The following HECW2 variants were observed in gnomAD, a reference collection of about 807,000 sequenced individuals.
The protein encoded by HECW2 is E3 ubiquitin-protein ligase HECW2.
In HECW2, 61 loss-of-function variants were observed where a neutral mutation model predicts 175.2. That is an observed-to-expected ratio of 0.35 (90% CI 0.28 to 0.43). The LOEUF (loss-of-function observed/expected upper bound fraction) is 0.43, where lower values mean the gene tolerates loss of function less well. Among genes scored for constraint, HECW2 ranks in the 20% least tolerant of loss-of-function variants. The pLI, the probability that HECW2 is intolerant of heterozygous loss-of-function variation, is 1.00. For synonymous variants in HECW2, 671 were observed against 731.0 expected, an observed-to-expected ratio of 0.92 and a Z score of 1.32; for missense variants, 1,524 against 2,000.5, an observed-to-expected ratio of 0.76 and a Z score of 4.54.
intron 13 of HECW2, among the ~76,000 whole-genome samples, chr2:196,293,261 T>C (rs1559016813): frequency 6.6e-6 from 1 of 152,220 alleles, no homozygotes; most frequent in Non-Finnish European, 1.5e-5. Context: ...TGTTTGGTTT[T>C]CTGTTCCTGT....
intron 28 of HECW2, among the ~76,000 whole-genome samples, chr2:196,214,744 A>G (rs1332060361): frequency 6.6e-6 from 1 of 152,162 alleles, no homozygotes; most frequent in Non-Finnish European, 1.5e-5. Flanking sequence ...TATTTTCAGC[A>G]CCCTTTTTCT....
chr2:196,359,338 C>T (rs1247718410), intron 2 of HECW2, among the ~76,000 whole-genome samples: 4 of 152,154 alleles, frequency 2.6e-5, no homozygotes, highest in East Asian at 1.9e-4. Flanking sequence ...GTCCCAGCTA[C>T]TCAGGAGGCT....
At chr2:196,267,787 A>G (rs760975034) in intron 17 of HECW2, among the ~76,000 whole-genome samples, 10 of 152,200 alleles carry the variant, frequency 6.6e-5, no homozygotes, top group Non-Finnish European at 1.5e-4. Context: ...AAGAAAACAC[A>G]AAGTAAAGAG....
chr2:196,362,430 T>C (rs1693621952), intron 2 of HECW2, among the ~76,000 whole-genome samples: 1 of 151,466 alleles, frequency 6.6e-6, no homozygotes, highest in Non-Finnish European at 1.5e-5. Flanking sequence ...AAAGGGGAGC[T>C]TGCTATTTGA....
chr2:196,260,397 T>C (rs774459249), intron 17 of HECW2: 2 of 152,214 alleles, frequency 1.3e-5, no homozygotes. Context: ...ATGTTGATAT[T>C]GAGTCATTCT....
At chr2:196,278,722 C>A in intron 14 of HECW2, 60 bp from the exon 15 acceptor site, 1 of 1,581,638 alleles carries the variant, frequency 6.3e-7, no homozygotes, top group Non-Finnish European at 8.7e-7. Flanking sequence ...TGACTTATAA[C>A]ATCAGACGGT....
At chr2:196,501,203 T>G (rs1687567882) in intron 1 of HECW2, among the ~76,000 whole-genome samples, 1 of 152,338 alleles carries the variant, frequency 6.6e-6, no homozygotes, top group Middle Eastern at 3.4e-3. Flanking sequence ...ACTGGTTTCT[T>G]TACTGTGAAA....
chr2:196,516,396 G>T (rs1688148153), intron 1 of HECW2, among the ~76,000 whole-genome samples: 1 of 127,230 alleles, frequency 7.9e-6, no homozygotes, highest in South Asian at 2.3e-4. Flanking sequence ...TATATTAACT[G>T]CCTACACACA....
chr2:196,257,658 G>T, intron 18 of HECW2, 165 bp downstream of exon 18: 1 of 596,310 alleles, frequency 1.7e-6, no homozygotes, highest in South Asian at 2.1e-5. Flanking sequence ...AACGTGAAGT[G>T]AATGATCACT....
intron 17 of HECW2, chr2:196,263,473 G>A (rs1402740130): frequency 6.6e-6 from 1 of 152,204 alleles, no homozygotes; most frequent in African/African-American, 2.4e-5. Context: ...GCACATCCTG[G>A]TTCCTCTAGA....
intron 2 of HECW2, among the ~76,000 whole-genome samples, chr2:196,353,053 C>G (rs1693226381): frequency 6.6e-6 from 1 of 152,200 alleles, no homozygotes; most frequent in African/African-American, 2.4e-5. Flanking sequence ...CATGGCTTCC[C>G]ACTCCCTCCA....
chr2:196,219,720 G>A (rs550384497), intron 26 of HECW2, among the ~76,000 whole-genome samples: 1 of 152,208 alleles, frequency 6.6e-6, no homozygotes, highest in African/African-American at 2.4e-5. Flanking sequence ...AGTTTGACCA[G>A]CTGGATGTTA....
chr2:196,522,973 T>C (rs1186274683), intron 1 of HECW2, among the ~76,000 whole-genome samples: 1 of 152,042 alleles, frequency 6.6e-6, no homozygotes, highest in Non-Finnish European at 1.5e-5. Flanking sequence ...TCTTTTTTGG[T>C]TCCATATGAA....
At position 196,234,542 on chromosome 2, in the gene HECW2, AC is replaced by A. The variant is rs1479018670; in HGVS notation, c.3764+5906del. On this transcript the variant is annotated intron_variant, in intron 21 of 28. Transcript: ENST00000644978. ...ACTCCTCGCCTGAAGCAATACTCCC[AC>A]CTTGGCCTCCCAAAGTGCTGGGATT... Among the ~76,000 whole-genome samples, 9 of 152,024 alleles carry A rather than the reference AC, an allele frequency of 5.9e-5. No homozygotes were observed. The East Asian group carries it at 1.5e-3, about 26-fold the overall frequency.
chr2:196,259,301 T>G (rs1397941355), intron 17 of HECW2, among the ~76,000 whole-genome samples: 1 of 152,198 alleles, frequency 6.6e-6, no homozygotes, highest in Admixed American at 6.5e-5. Flanking sequence ...TATTCCCAAA[T>G]TTGAAATATT....
chr2:196,533,630 T>C (rs1688920018), intron 1 of HECW2, among the ~76,000 whole-genome samples: 1 of 152,110 alleles, frequency 6.6e-6, no homozygotes, highest in African/African-American at 2.4e-5. Flanking sequence ...AATATATATA[T>C]AGGTGTAATT....
Position 196,433,226 on chromosome 2 carries a change from G to A in HECW2, c.198C>T (p.Tyr66=), listed in dbSNP as rs370841093. ...ESRSSLTASM[Y]EYTLGQAQNL... ...TCTGGGCTTGCCCCAGCGTGTACTC[G>A]TACATGCTGGCAGTTAAGCTGGAGC... The change falls in exon 2 of 29, where the codon TAC becomes TAT. Residue 66 remains tyrosine, a synonymous_variant. Transcript: ENST00000644978. 29 of 1,614,088 alleles carry A rather than the reference G, an allele frequency of 1.8e-5. No individual in the cohort carries two copies. The highest frequency in any genetic ancestry group is 5.5e-5 in the South Asian group (5 of 91,078).
chr2:196,328,829 T>C (rs1559045159), intron 5 of HECW2, among the ~76,000 whole-genome samples: 1 of 152,324 alleles, frequency 6.6e-6, no homozygotes, highest in East Asian at 1.9e-4. Flanking sequence ...TTTTCTAAAA[T>C]CAGTGCCCTT....
intron 1 of HECW2, among the ~76,000 whole-genome samples, chr2:196,568,273 T>C (rs1448961701): frequency 6.6e-6 from 1 of 152,212 alleles, no homozygotes; most frequent in Non-Finnish European, 1.5e-5. Flanking sequence ...ATTCCCATTA[T>C]ATGAAATCTT....
Sources: gnomAD v4.1 joint callset for allele counts (sites outside exome capture counted in the v4.1 genomes callset) on GRCh38, gnomAD v4.1.1 for gene constraint, MANE v1.5 for transcripts, NCBI Gene and HGNC (gene_info 2026-07-23, HGNC 2026-07-21) for gene names.